The following MICU3 variants were observed in gnomAD, a reference collection of about 807,000 sequenced individuals.
The protein encoded by MICU3 is calcium uptake protein 3, mitochondrial.
Under a neutral mutation model 66.5 loss-of-function variants are expected in MICU3, and 62 were observed. That is an observed-to-expected ratio of 0.93 (90% confidence interval 0.76 to 1.15). The LOEUF is 1.15. Ranked by LOEUF, MICU3 falls within the 50% of genes most tolerant of loss-of-function variation. MICU3 has a pLI of 0.00. For synonymous variants in MICU3, 308 were observed against 240.7 expected (o/e 1.28, Z -2.59); for missense variants, 779 against 664.4 (o/e 1.17, Z -1.90).
intron 11 of MICU3, among the ~76,000 whole-genome samples, chr8:17,112,629 G>T (rs954324142): frequency 5.3e-5 from 8 of 152,214 alleles, no homozygotes; most frequent in African/African-American, 1.9e-4. Flanking sequence ...ACCATGTGTT[G>T]AAAAATCTGA....
At chr8:17,029,723 G>A (rs1044782663) in intron 1 of MICU3, among the ~76,000 whole-genome samples, 1 of 152,074 alleles carries the variant, frequency 6.6e-6, no homozygotes, top group Admixed American at 6.6e-5. Flanking sequence ...TGAGCTTCGG[G>A]ATGTGTATTT....
rs182200809 is a variant in MICU3 at position 17,027,814 on chromosome 8, G to A, written c.381+154G>A. ...GCTGACACCTAGGCCGGACAGCCTA[G>A]GATCCGGTCACCCACGTATTGGGAA... On this transcript the variant is annotated intron_variant, in intron 1 of 14. Coordinates refer to ENST00000318063, the MANE Select transcript of MICU3 (RefSeq NM_181723.3). Among the ~76,000 whole-genome samples, 219 of 152,324 alleles carry A rather than the reference G, an allele frequency of 1.4e-3. 1 individual carries two copies. The highest frequency in any genetic ancestry group is 2.7e-3 in the Non-Finnish European group (187 of 68,022).
At chr8:17,062,169 A>G (rs1226567909) in intron 1 of MICU3, among the ~76,000 whole-genome samples, 2 of 152,194 alleles carry the variant, frequency 1.3e-5, no homozygotes, top group Non-Finnish European at 2.9e-5. Flanking sequence ...GATTATGGCC[A>G]TCTTTCAAAT....
intron 1 of MICU3, among the ~76,000 whole-genome samples, chr8:17,048,798 T>C (rs1167525968): frequency 6.6e-6 from 1 of 151,994 alleles, no homozygotes; most frequent in Non-Finnish European, 1.5e-5. Context: ...TTTAAAAAAA[T>C]TGTAGAGACA....
the MICU3 span, among the ~76,000 whole-genome samples, chr8:17,134,911 G>T: frequency 6.6e-6 from 1 of 152,120 alleles, no homozygotes; most frequent in Non-Finnish European, 1.5e-5. Context: ...GGCACCAAAT[G>T]GCCCAGTCAG....
intron 1 of MICU3, among the ~76,000 whole-genome samples, chr8:17,050,270 A>G (rs751555369): frequency 1.3e-5 from 2 of 152,034 alleles, no homozygotes; most frequent in Non-Finnish European, 2.9e-5. Context: ...TGAACAATAT[A>G]CATATATTTT....
intron 14 of MICU3, among the ~76,000 whole-genome samples, 200 bp from the exon 15 acceptor site, chr8:17,120,088 T>A (rs10087436): frequency 0.077 from 11,788 of 152,214 alleles, 1,553 homozygotes; most frequent in African/African-American, 0.27. Flanking sequence ...GTGGCTACCT[T>A]TCTCTAAGCC....
chr8:17,050,212 T>A (rs1250608413), intron 1 of MICU3, among the ~76,000 whole-genome samples: 1 of 152,144 alleles, frequency 6.6e-6, no homozygotes, highest in East Asian at 1.9e-4. Flanking sequence ...AAGATTTACT[T>A]CTACATGTAG....
chr8:17,098,125 C>G (rs1322733632), intron 8 of MICU3, among the ~76,000 whole-genome samples: 2 of 151,778 alleles, frequency 1.3e-5, no homozygotes, highest in Admixed American at 1.3e-4. Flanking sequence ...TTACTTCACA[C>G]AAGGTGTGAA....
At chr8:17,119,653 T>C (rs1173420732) in intron 14 of MICU3, among the ~76,000 whole-genome samples, 1 of 152,094 alleles carries the variant, frequency 6.6e-6, no homozygotes, top group Non-Finnish European at 1.5e-5. Context: ...GTTTAAGAAA[T>C]ATCATAATAA....
chr8:17,029,090 A>C (rs962757131), intron 1 of MICU3, among the ~76,000 whole-genome samples: 1 of 152,242 alleles, frequency 6.6e-6, no homozygotes, highest in Non-Finnish European at 1.5e-5. Flanking sequence ...TCACCTGTGA[A>C]ATGAGGCTAA....
chr8:17,059,245 T>C (rs943176677), intron 1 of MICU3, among the ~76,000 whole-genome samples: 11 of 152,220 alleles, frequency 7.2e-5, no homozygotes, highest in Non-Finnish European at 1.3e-4. Context: ...GTATTTACGT[T>C]TCTATTCTGA....
At chr8:17,128,439 A>G in the MICU3 span, among the ~76,000 whole-genome samples, 1 of 152,244 alleles carries the variant, frequency 6.6e-6, no homozygotes, top group African/African-American at 2.4e-5. Flanking sequence ...AATACAAAAT[A>G]CAGAATACAG....
At chr8:17,063,894 A>G (rs962688743) in intron 1 of MICU3, among the ~76,000 whole-genome samples, 190 bp from the exon 2 acceptor site, 4 of 152,170 alleles carry the variant, frequency 2.6e-5, no homozygotes, top group Non-Finnish European at 5.9e-5. Flanking sequence ...TTTTTGTAGA[A>G]TCTTTCGAAT....
intron 8 of MICU3, 177 bp downstream of exon 8, chr8:17,090,761 G>A: frequency 4.4e-6 from 2 of 452,460 alleles, no homozygotes; most frequent in Admixed American, 7.7e-5. Flanking sequence ...AGATTTATGT[G>A]AAGACTAAAA....
chr8:17,029,803 A>G (rs1353443617), intron 1 of MICU3, among the ~76,000 whole-genome samples: 1 of 152,038 alleles, frequency 6.6e-6, no homozygotes, highest in Non-Finnish European at 1.5e-5. Flanking sequence ...AATTCTGTGT[A>G]ATTTTCTTCT....
intron 2 of MICU3, among the ~76,000 whole-genome samples, chr8:17,069,414 A>G (rs1020762722): frequency 1.3e-5 from 2 of 152,126 alleles, no homozygotes; most frequent in African/African-American, 2.4e-5. Flanking sequence ...AGCTTACTTT[A>G]TTAGTCCAGA....
intron 8 of MICU3, among the ~76,000 whole-genome samples, chr8:17,093,991 G>A (rs762290965): frequency 5.3e-5 from 8 of 151,966 alleles, no homozygotes; most frequent in Non-Finnish European, 1.2e-4. Flanking sequence ...TCCCCTTCAT[G>A]TGTGTCCCCA....
chr8:17,053,750 T>G (rs954047479), intron 1 of MICU3, among the ~76,000 whole-genome samples: 1 of 152,194 alleles, frequency 6.6e-6, no homozygotes, highest in African/African-American at 2.4e-5. Context: ...TTCTCATAAA[T>G]AGCTCACAAT....
Sources: gnomAD v4.1 joint callset for allele counts (sites outside exome capture counted in the v4.1 genomes callset) on GRCh38, gnomAD v4.1.1 for gene constraint, MANE v1.5 for transcripts, NCBI Gene and HGNC (gene_info 2026-07-23, HGNC 2026-07-21) for gene names.